Variants in NBPF19 observed in about 807,000 individuals in gnomAD.
NBPF19 encodes the protein NBPF member 19.
NBPF19 carries 30 observed loss-of-function variants against 45.9 expected under a neutral mutation model. The observed-to-expected ratio is 0.65, with a 90% CI of 0.49 to 0.89. The LOEUF (loss-of-function observed/expected upper bound fraction) is 0.89. NBPF19 is among the 40% of genes least tolerant of loss of function. NBPF19 has a pLI of 0.00. For missense variants in NBPF19, 495 were observed against 471.8 expected, an observed-to-expected ratio of 1.05 and a Z score of -0.46; for synonymous variants, 183 against 181.2, an observed-to-expected ratio of 1.01 and a Z score of -0.08.
At chr1:149,487,768 G>C (rs1312399597) in intron 9 of NBPF19, among the ~76,000 whole-genome samples, 31 of 141,568 alleles carry the variant, frequency 2.2e-4, no homozygotes, top group African/African-American at 7.4e-4. Flanking sequence ...AATTGACTGA[G>C]CTCGCTCTGT....
chr1:149,478,836 T>G, intron 3 of NBPF19, 44 bp from the exon 4 acceptor site: 2 of 1,504,998 alleles, frequency 1.3e-6, no homozygotes, highest in South Asian at 2.2e-5. Flanking sequence ...AACGGATCAC[T>G]CAACCCTTTC....
intron 7 of NBPF19, among the ~76,000 whole-genome samples, chr1:149,483,919 G>A (rs1307355054): frequency 4.7e-5 from 1 of 21,464 alleles, no homozygotes; most frequent in Admixed American, 4.8e-4. Flanking sequence ...CTAGTTCAAC[G>A]ATTGTGGAAG....
chr1:149,490,759 T>C (rs1182664439), intron 13 of NBPF19, among the ~76,000 whole-genome samples: 1 of 55,782 alleles, frequency 1.8e-5, no homozygotes, highest in South Asian at 1.1e-3. Context: ...GAGCACATTT[T>C]ATGGAAAATT....
chr1:149,488,291 A>T, intron 10 of NBPF19, 106 bp downstream of exon 10: 1 of 575,566 alleles, frequency 1.7e-6, no homozygotes, highest in Non-Finnish European at 3.0e-6. Context: ...TCATTGCCAC[A>T]GGGAGGACCT....
At chr1:149,478,455 T>C (rs1350171545) in intron 3 of NBPF19, among the ~76,000 whole-genome samples, 4 of 151,374 alleles carry the variant, frequency 2.6e-5, no homozygotes, top group African/African-American at 4.8e-5. Flanking sequence ...ACCCTGTCCT[T>C]CTTTTCTTCT....
At position 149,488,202 on chromosome 1, in the gene NBPF19, G is replaced by T; in HGVS notation, c.1213+17G>T. On this transcript the variant is annotated intron_variant, in intron 10 of 93. Coordinates refer to ENST00000651566, the MANE Select transcript of NBPF19 (RefSeq NM_001351365.2). ...ACATGGATGGTGAGTACCTTTCTATGAAGGTGATAAGGATCCACTGAGTCT... is the reference window on the plus strand; with the variant it reads ...ACATGGATGGTGAGTACCTTTCTATTAAGGTGATAAGGATCCACTGAGTCT... The T allele has an allele frequency of 1.6e-6, 1 of 613,676 alleles. No homozygotes were observed. The allele number at this position is 613,676 out of a possible 1,614,324, so 38.0% of individuals were successfully genotyped here. A position where few individuals can be genotyped will look rare whatever the true frequency, so the allele number is the denominator to read the frequency against.
chr1:149,520,629 AAAG>A lies in NBPF19; in HGVS notation c.6117_6119del (p.Arg2040del). 6.8e-5 allele frequency: 2 copies of A among 29,252 alleles called. No homozygotes were observed. Among genetic ancestry groups the A allele is most frequent in the African/African-American group, 2.8e-3 (2 of 720 alleles). 1.8% of individuals were successfully genotyped at this position (29,252 alleles called of 1,614,324 possible). On this transcript the variant is annotated inframe_deletion, in exon 51 of 94. Transcript: ENST00000651566. The stretch of plus-strand genomic sequence containing the variant: ...AGAAGGGGAAGAAGATCAAAGAAGG[AAAG>A]AAGAAGGGGAAGAAAAGAAGGGGAA...
intron 93 of NBPF19, among the ~76,000 whole-genome samples, chr1:149,554,247 C>T (rs1198374685): frequency 6.6e-6 from 1 of 151,666 alleles, no homozygotes; most frequent in Non-Finnish European, 1.5e-5. Flanking sequence ...TGTCACCTGG[C>T]CAATTCACTA....
chr1:149,487,504 C>G, intron 9 of NBPF19, 121 bp downstream of exon 9: 1 of 994,982 alleles, frequency 1.0e-6, no homozygotes, highest in Non-Finnish European at 1.6e-6. Flanking sequence ...TGAATTATGC[C>G]TAATACATTG....
At chr1:149,487,891 T>C (rs1484694646) in intron 9 of NBPF19, 122 bp from the exon 10 acceptor site, 1 of 734,824 alleles carries the variant, frequency 1.4e-6, no homozygotes, top group Admixed American at 2.0e-5. Context: ...ATTTGTTACC[T>C]CACTAATGGA....
chr1:149,528,939 CTCTCTCTGTG>C (rs2086907425), intron 61 of NBPF19, among the ~76,000 whole-genome samples: 4 of 118,490 alleles, frequency 3.4e-5, no homozygotes, highest in Non-Finnish European at 5.5e-5. Context: ...AGCTCGTTCT[CTCTCTCTGTG>C]TGTGTGTGTG....
At chr1:149,528,921 A>T (rs2086903934) in intron 61 of NBPF19, among the ~76,000 whole-genome samples, 1 of 128,034 alleles carries the variant, frequency 7.8e-6, no homozygotes. Flanking sequence ...CACCTGGACA[A>T]TTCACTGAGC....
At position 149,554,396 on chromosome 1, in the gene NBPF19, C is replaced by G. The variant is rs1412164130; in HGVS notation, c.11289-99C>G. On this transcript the variant is annotated intron_variant, in intron 93 of 93. Transcript: ENST00000651566. ...CCTCATTAATGGATCTATCCTTTTT[C>G]TTTTCTAACCACTTCCTTATGTGAC... The G allele has an allele frequency of 3.8e-6, 6 of 1,596,068 alleles. 1 individual carries two copies. Among genetic ancestry groups the G allele is most frequent in the Middle Eastern group, 2.3e-4 (1 of 4,346 alleles).
chr1:149,475,144 A>C lies in NBPF19; in HGVS notation c.-687A>C, dbSNP rs1479463467. On this transcript the variant is annotated 5_prime_UTR_variant, in exon 1 of 94. An upstream start codon of the reference 5' UTR is lost. Coordinates refer to ENST00000651566, the MANE Select transcript of NBPF19 (RefSeq NM_001351365.2). Reference sequence around the variant, plus strand: ...TAAGAAAGAGGAAATCAATCTAACAATGGGATGCAGCAGCAAGAATACTGA... The same window carrying C: ...TAAGAAAGAGGAAATCAATCTAACACTGGGATGCAGCAGCAAGAATACTGA... 1.4e-5 allele frequency among the ~76,000 whole-genome samples: 2 copies of C among 147,544 alleles called. No homozygotes were observed. Among genetic ancestry groups the C allele is most frequent in the African/African-American group, 5.0e-5 (2 of 40,172 alleles).
Position 149,554,539 on chromosome 1 carries a change from A to C in NBPF19, c.11333A>C (p.Gln3778Pro). 10 of 1,608,272 alleles carry C rather than the reference A, an allele frequency of 6.2e-6. No individual in the cohort carries two copies. Among genetic ancestry groups the C allele is most frequent in the Non-Finnish European group, 8.5e-6 (10 of 1,176,738 alleles). The change falls in exon 94 of 94, where the codon CAG becomes CCG. Residue 3778 changes from glutamine (Q) to proline (P), a missense_variant. Coordinates refer to ENST00000651566, the MANE Select transcript of NBPF19 (RefSeq NM_001351365.2). ...GAAGTGGAAGAGCCTGAAGTCTTAC[A>C]GGACTCACTGGATGGATGTTATTCG... ...LMEVEEPEVL[Q>P]DSLDGCYSTP...
intron 3 of NBPF19, among the ~76,000 whole-genome samples, chr1:149,478,644 A>G (rs2101549854): frequency 6.6e-6 from 1 of 151,080 alleles, no homozygotes. Context: ...TTGTTTACAG[A>G]AGAGAAAGAT....
rs2084974556 is a variant in NBPF19, at chr1:149,478,393, CCTGA to C, written c.278+354_278+357del. On this transcript the variant is annotated intron_variant, in intron 3 of 93. Transcript: ENST00000651566. The stretch of plus-strand genomic sequence containing the variant: ...CACTTACCCTTAGTGAGAATCACCT[CCTGA>C]CTGACTGCGTCTTCTCATTCTTTCA... 1.3e-5 allele frequency among the ~76,000 whole-genome samples: 2 copies of C among 151,222 alleles called. 1 individual carries two copies. The highest frequency in any genetic ancestry group is 3.0e-5 in the Non-Finnish European group (2 of 67,626).
chr1:149,477,255 A>T (rs2084895510), intron 2 of NBPF19, among the ~76,000 whole-genome samples: 1 of 150,950 alleles, frequency 6.6e-6, no homozygotes, highest in African/African-American at 2.4e-5. Flanking sequence ...TTGAACATTA[A>T]TTGGCACAGT....
intron 10 of NBPF19, 100 bp downstream of exon 10, chr1:149,488,285 T>G (rs1416047266): frequency 2.3e-5 from 13 of 572,236 alleles, no homozygotes; most frequent in Non-Finnish European, 3.4e-5. Context: ...GAGATGTCAT[T>G]GCCACAGGGA....
Sources: gnomAD v4.1 joint callset for allele counts (sites outside exome capture counted in the v4.1 genomes callset) on GRCh38, gnomAD v4.1.1 for gene constraint, MANE v1.5 for transcripts, NCBI Gene and HGNC (gene_info 2026-07-23, HGNC 2026-07-21) for gene names.